The following GARNL3 variants were observed in gnomAD, a reference collection of about 807,000 sequenced individuals.
GARNL3 encodes GTPase-activating Rap/Ran-GAP domain-like protein 3.
A neutral mutation model predicts 125.0 loss-of-function variants in GARNL3; 63 were observed. That is an observed-to-expected ratio of 0.50 (90% CI 0.41 to 0.62). The LOEUF is 0.62. GARNL3 is among the 20% of genes least tolerant of loss of function. The pLI is 0.00. For synonymous variants in GARNL3, 439 were observed against 457.5 expected, an observed-to-expected ratio of 0.96 and a Z score of 0.52; for missense variants, 994 against 1,244.0, an observed-to-expected ratio of 0.80 and a Z score of 3.02.
chr9:127,317,697 C>G (rs1278613518), intron 4 of GARNL3, among the ~76,000 whole-genome samples: 2 of 152,114 alleles, frequency 1.3e-5, no homozygotes, highest in East Asian at 3.9e-4. Context: ...GCCTAAGCAA[C>G]AGAGCCAGAC....
intron 2 of GARNL3, among the ~76,000 whole-genome samples, chr9:127,244,369 G>A (rs1489049020): frequency 6.6e-6 from 1 of 152,188 alleles, no homozygotes; most frequent in African/African-American, 2.4e-5. Flanking sequence ...TTTAAAACAA[G>A]GATGCCACAA....
chr9:127,337,137 A>T (rs1038796144), intron 11 of GARNL3, among the ~76,000 whole-genome samples: 1 of 152,090 alleles, frequency 6.6e-6, no homozygotes, highest in Non-Finnish European at 1.5e-5. Flanking sequence ...AGCAAACAAT[A>T]TGCACTTGCA....
chr9:127,387,767 A>T (rs1433836731), intron 25 of GARNL3, among the ~76,000 whole-genome samples: 1 of 151,522 alleles, frequency 6.6e-6, no homozygotes, highest in Non-Finnish European at 1.5e-5. Flanking sequence ...AAAAGAAAGA[A>T]ATCTTGCAGT....
At chr9:127,332,083 A>G (rs535491990) in intron 7 of GARNL3, among the ~76,000 whole-genome samples, 191 bp from the exon 8 acceptor site, 100 of 152,204 alleles carry the variant, frequency 6.6e-4, no homozygotes, top group Non-Finnish European at 3.4e-4. Context: ...TCTGTAAGCT[A>G]TAAATACCTA....
Position 127,364,850 on chromosome 9 carries a change from G to GTC in GARNL3, c.2095-450_2095-449insTC. Reference sequence around the variant, plus strand: ...TTGGCTGTGGCGTGTACCAGTCAAGGGACTTAAGTGACTTCACCCTGAGCC... The same window carrying GTC: ...TTGGCTGTGGCGTGTACCAGTCAAGGTCGACTTAAGTGACTTCACCCTGAGCC... On this transcript the variant is annotated intron_variant, in intron 21 of 27. Coordinates refer to ENST00000373387, the MANE Select transcript of GARNL3 (RefSeq NM_032293.5). This position sits in a 1 kb window ranked among gnomAD's most constrained non-coding sequence, Gnocchi z 4.2. 6.0e-6 allele frequency: 1 copy of GTC among 166,246 alleles called. No homozygotes were observed. 10.3% of individuals were successfully genotyped at this position (166,246 alleles called of 1,614,324 possible).
chr9:127,300,891 A>G, intron 2 of GARNL3: 1 of 253,124 alleles, frequency 4.0e-6, no homozygotes, highest in South Asian at 4.3e-5. Flanking sequence ...ACAATAAAGG[A>G]CTCACAGTGG....
At chr9:127,288,684 T>C (rs967133519) in intron 1 of GARNL3, among the ~76,000 whole-genome samples, 1 of 152,256 alleles carries the variant, frequency 6.6e-6, no homozygotes, top group Non-Finnish European at 1.5e-5. Context: ...TTTCTTGAAC[T>C]TTTTAAGCAA....
rs565495741 is a variant in GARNL3, at chr9:127,251,216, A to G, written c.143+7967A>G. Among the ~76,000 whole-genome samples the G allele has an allele frequency of 4.6e-5, 7 of 152,260 alleles. No homozygotes were observed. In the South Asian group the frequency reaches 8.3e-4, roughly 18 times the overall value. ...AGTCAGCACTCATTTTTGTAAATCT[A>G]ATTTTGTCCTTAGAAACAGCCTGGT... On this transcript the variant is annotated intron_variant, in intron 2 of 10. Coordinates refer to the GARNL3 transcript ENST00000439286.
intron 26 of GARNL3, among the ~76,000 whole-genome samples, chr9:127,390,359 T>C (rs373880154): frequency 2.7e-4 from 41 of 152,220 alleles, no homozygotes; most frequent in Non-Finnish European, 1.3e-4. Flanking sequence ...AACCTCTGAA[T>C]TGGAGAATTA....
In GARNL3 at chr9:127,265,464, T is replaced by C. The variant is rs2063684209; in HGVS notation, c.144+443T>C. ...GTTAGAATATTTATGAGAGCTGTTT[T>C]TCCCATTAAAAGCATATTGGTTGGA... On this transcript the variant is annotated intron_variant, in intron 1 of 27. Coordinates refer to ENST00000373387, the MANE Select transcript of GARNL3 (RefSeq NM_032293.5). Among the ~76,000 whole-genome samples, 3 of 152,322 alleles carry C rather than the reference T, an allele frequency of 2.0e-5. No homozygotes were observed. In the South Asian group the frequency reaches 6.2e-4, roughly 32 times the overall value.
In GARNL3 at chr9:127,364,503, G is replaced by GC. The variant is rs1463337166; in HGVS notation, c.2095-796dup. On this transcript the variant is annotated intron_variant, in intron 21 of 27. Transcript: ENST00000373387. This position sits in a 1 kb window ranked among gnomAD's most constrained non-coding sequence, Gnocchi z 4.2. ...GAATACAAGTGAGGAAGTGAAAGGA[G>GC]CAGGAGGCTCTTAGAGGGCTGGAGT... 3 of 152,394 alleles carry GC rather than the reference G, an allele frequency of 2.0e-5. No homozygotes were observed. The East Asian group carries it at 5.8e-4, about 29-fold the overall frequency. The allele number at this position is 152,394 out of a possible 1,614,324, so 9.4% of individuals were successfully genotyped here.
At chr9:127,291,135 A>G (rs768169590) in intron 1 of GARNL3, 33 bp from the exon 2 acceptor site, 3 of 1,601,964 alleles carry the variant, frequency 1.9e-6, no homozygotes, top group Admixed American at 1.7e-5. Flanking sequence ...GACATTGTAA[A>G]TGCTTCCTAA....
intron 1 of GARNL3, among the ~76,000 whole-genome samples, chr9:127,268,436 C>A (rs1194352131): frequency 1.3e-5 from 2 of 152,206 alleles, no homozygotes; most frequent in Non-Finnish European, 2.9e-5. Flanking sequence ...CTTCACATTT[C>A]TCTGTGTCTG....
intron 1 of GARNL3, among the ~76,000 whole-genome samples, chr9:127,289,233 C>T (rs1161026052): frequency 2.6e-5 from 4 of 152,184 alleles, no homozygotes; most frequent in African/African-American, 4.8e-5. Flanking sequence ...CACCAGATTA[C>T]CCTCACTTCT....
chr9:127,246,866 G>T (rs114761013), intron 2 of GARNL3, among the ~76,000 whole-genome samples: 1 of 151,312 alleles, frequency 6.6e-6, no homozygotes, highest in Admixed American at 6.6e-5. Flanking sequence ...GGAACAGGAG[G>T]CATTTAGGAA....
At chr9:127,228,261 T>A (rs954764112) in intron 1 of GARNL3, among the ~76,000 whole-genome samples, 13 of 152,364 alleles carry the variant, frequency 8.5e-5, no homozygotes, top group African/African-American at 2.6e-4. Flanking sequence ...TCCATGTGCA[T>A]TTGTTTAGCT....
intron 13 of GARNL3, among the ~76,000 whole-genome samples, chr9:127,341,952 G>A (rs1268236031): frequency 1.3e-5 from 2 of 152,108 alleles, no homozygotes; most frequent in Non-Finnish European, 2.9e-5. Context: ...ATAGAGTCTC[G>A]GAATTCCAAA....
At chr9:127,246,843 A>G (rs1318937732) in intron 2 of GARNL3, among the ~76,000 whole-genome samples, 1 of 151,802 alleles carries the variant, frequency 6.6e-6, no homozygotes, top group African/African-American at 2.4e-5. Context: ...AGAAGGGTAC[A>G]GTAACATCTT....
chr9:127,378,979 T>C (rs759187219), intron 22 of GARNL3, among the ~76,000 whole-genome samples: 4 of 152,184 alleles, frequency 2.6e-5, no homozygotes, highest in Non-Finnish European at 5.9e-5. Context: ...GGTTTCACCA[T>C]GGTGGCCAGG....
Sources: gnomAD v4.1 joint callset for allele counts (sites outside exome capture counted in the v4.1 genomes callset) on GRCh38, gnomAD v4.1.1 for gene constraint, Gnocchi (gnomAD v3.1) non-coding constraint, MANE v1.5 for transcripts, NCBI Gene and HGNC (gene_info 2026-07-23, HGNC 2026-07-21) for gene names.